Variants in SMIM31 observed in about 807,000 individuals in gnomAD.
SMIM31 encodes the protein human epithelial cell program regulator.
At chr4:164,757,762 G>A (rs1732584742) in intron 1 of SMIM31, among the ~76,000 whole-genome samples, 1 of 151,938 alleles carries the variant, frequency 6.6e-6, no homozygotes, top group South Asian at 2.1e-4. Context: ...CCTTTATTTA[G>A]TGCTACTAAT....
chr4:164,796,294 T>C (rs1359106552), intron 2 of SMIM31, among the ~76,000 whole-genome samples: 1 of 152,204 alleles, frequency 6.6e-6, no homozygotes. Context: ...ACTGCGGTGA[T>C]GATTTTAAAT....
intron 1 of SMIM31, among the ~76,000 whole-genome samples, chr4:164,761,988 G>A (rs1194588520): frequency 6.6e-6 from 1 of 152,030 alleles, no homozygotes; most frequent in Non-Finnish European, 1.5e-5. Context: ...GCTTTGCGTT[G>A]CCTCCCACTT....
In SMIM31 at chr4:164,778,421, T is replaced by C. The variant is rs141206006; in HGVS notation, c.112+7866T>C. ...AGTTTAATACACACCTCTAATAATA[T>C]ACAAAATGATTTGATAGTACCAGCA... On this transcript the variant is annotated intron_variant, in intron 2 of 2. Transcript: ENST00000507311. Among the ~76,000 whole-genome samples the C allele has an allele frequency of 3.6e-4, 55 of 152,202 alleles. No individual in the cohort carries two copies. In the East Asian group the frequency reaches 7.3e-3, roughly 20 times the overall value.
At chr4:164,782,573 T>G (rs904211667) in intron 2 of SMIM31, among the ~76,000 whole-genome samples, 4 of 111,972 alleles carry the variant, frequency 3.6e-5, no homozygotes, top group Middle Eastern at 4.6e-3. Context: ...TAGAGACGGG[T>G]TTTCACCGTG....
At position 164,758,801 on chromosome 4, in the gene SMIM31, A is replaced by ATTTTTTTTTTTTTTTTTT. The variant is rs35632469; in HGVS notation, c.-26+4413_-26+4430dup. Among the ~76,000 whole-genome samples, 35 of 60,906 alleles carry ATTTTTTTTTTTTTTTTTT rather than the reference A, an allele frequency of 5.7e-4. 1 individual carries two copies. The highest frequency in any genetic ancestry group is 1.8e-3 in the East Asian group (3 of 1,638). The allele number at this position is 60,906 out of a possible 152,430, so 40.0% of individuals were successfully genotyped here. A position where few individuals can be genotyped will look rare whatever the true frequency, so the allele number is the denominator to read the frequency against. On this transcript the variant is annotated intron_variant, in intron 1 of 2. Transcript: ENST00000507311. ...GGCGCCCGCCACCACGCCCGGCCAA[A>ATTTTTTTTTTTTTTTTTT]TTTTTTTTTTTTTTTTTTTTTTTTT...
chr4:164,769,986 G>T (rs911579697), intron 1 of SMIM31, among the ~76,000 whole-genome samples: 1 of 152,086 alleles, frequency 6.6e-6, no homozygotes, highest in Non-Finnish European at 1.5e-5. Flanking sequence ...TAGTGCTTCA[G>T]TTTCTTCATT....
intron 1 of SMIM31, among the ~76,000 whole-genome samples, chr4:164,760,283 A>G (rs1202496377): frequency 2.0e-5 from 3 of 152,180 alleles, no homozygotes; most frequent in African/African-American, 7.2e-5. Context: ...ATGCCTTACA[A>G]TCTTAAAATG....
chr4:164,757,018 G>A (rs1374269383), intron 1 of SMIM31, among the ~76,000 whole-genome samples: 2 of 152,066 alleles, frequency 1.3e-5, no homozygotes, highest in Admixed American at 6.5e-5. Flanking sequence ...CAAAGGAATT[G>A]TATCATTTTA....
chr4:164,762,492 A>G (rs1207779546), intron 1 of SMIM31, among the ~76,000 whole-genome samples: 2 of 152,010 alleles, frequency 1.3e-5, no homozygotes, highest in Non-Finnish European at 2.9e-5. Flanking sequence ...CGAGGCAGGC[A>G]GATTACTTGA....
At chr4:164,756,202 G>A (rs746833448) in intron 1 of SMIM31, among the ~76,000 whole-genome samples, 22 of 152,032 alleles carry the variant, frequency 1.4e-4, no homozygotes, top group Non-Finnish European at 2.9e-4. Flanking sequence ...CCAAACCCCC[G>A]TCAAGATATA....
chr4:164,771,816 A>C (rs952899430), intron 2 of SMIM31, among the ~76,000 whole-genome samples: 1 of 152,146 alleles, frequency 6.6e-6, no homozygotes, highest in African/African-American at 2.4e-5. Flanking sequence ...CTCAAAAAAC[A>C]AAAATTAAAA....
chr4:164,796,316 C>T (rs1400731618), intron 2 of SMIM31, among the ~76,000 whole-genome samples: 1 of 152,174 alleles, frequency 6.6e-6, no homozygotes, highest in Non-Finnish European at 1.5e-5. Context: ...TGAATTCCTT[C>T]AATAATGAGA....
intron 2 of SMIM31, among the ~76,000 whole-genome samples, chr4:164,784,848 T>A (rs1733005894): frequency 6.6e-6 from 1 of 151,966 alleles, no homozygotes; most frequent in Non-Finnish European, 1.5e-5. Flanking sequence ...AATCAAATGA[T>A]CTTTGCTATC....
intron 1 of SMIM31, among the ~76,000 whole-genome samples, chr4:164,761,058 T>G (rs533660822): frequency 1.3e-5 from 2 of 152,346 alleles, no homozygotes; most frequent in Admixed American, 6.5e-5. Flanking sequence ...CCATCTATGA[T>G]AAATATTTTA....
At chr4:164,768,547 A>G (rs530922865) in intron 1 of SMIM31, among the ~76,000 whole-genome samples, 15 of 152,298 alleles carry the variant, frequency 9.8e-5, no homozygotes, top group Non-Finnish European at 2.1e-4. Context: ...CCTCCTCTCA[A>G]AGACAACTAC....
At chr4:164,787,054 G>C (rs1372296975) in intron 2 of SMIM31, among the ~76,000 whole-genome samples, 2 of 152,160 alleles carry the variant, frequency 1.3e-5, no homozygotes, top group East Asian at 3.8e-4. Context: ...ACTTAAGGAA[G>C]AGAAGTGACA....
At chr4:164,797,650 G>A (rs1214384410) in intron 2 of SMIM31, among the ~76,000 whole-genome samples, 2 of 151,912 alleles carry the variant, frequency 1.3e-5, no homozygotes, top group African/African-American at 4.8e-5. Context: ...TTTTAGTAGA[G>A]AAGAGGTTTC....
At chr4:164,775,808 T>C (rs1459124665) in intron 2 of SMIM31, among the ~76,000 whole-genome samples, 1 of 152,218 alleles carries the variant, frequency 6.6e-6, no homozygotes, top group Admixed American at 6.5e-5. Flanking sequence ...TCAGGGATGT[T>C]GGAACTTTTT....
At position 164,801,445 on chromosome 4, in the gene SMIM31, A is replaced by G. The variant is rs1733282692; in HGVS notation, c.*251A>G. The G allele has an allele frequency of 6.7e-6, 2 of 299,656 alleles. No individual in the cohort carries two copies. The highest frequency in any genetic ancestry group is 1.2e-5 in the Non-Finnish European group (2 of 164,720). The allele number at this position is 299,656 out of a possible 1,614,324, so 18.6% of individuals were successfully genotyped here. A position where few individuals can be genotyped will look rare whatever the true frequency, so the allele number is the denominator to read the frequency against. On this transcript the variant is annotated 3_prime_UTR_variant, in exon 3 of 3. Transcript: ENST00000507311. ...GCTGCAATTGATTATACAAAAAAAAAAAGACCAAAGTGGTTACAATAATAA... is the reference window on the plus strand; with the variant it reads ...GCTGCAATTGATTATACAAAAAAAAGAAGACCAAAGTGGTTACAATAATAA...
Sources: gnomAD v4.1 joint callset for allele counts (sites outside exome capture counted in the v4.1 genomes callset) on GRCh38, gnomAD v4.1.1 for gene constraint, MANE v1.5 for transcripts, NCBI Gene and HGNC (gene_info 2026-07-23, HGNC 2026-07-21) for gene names.